RUNX2: variants seen among roughly 807,000 people sequenced by gnomAD.
The protein encoded by RUNX2 is RUNX family transcription factor 2.
A neutral mutation model predicts 51.7 loss-of-function variants in RUNX2; 10 were observed. That is an observed-to-expected ratio of 0.19 (90% CI 0.12 to 0.33). RUNX2 has a LOEUF of 0.33. Ranked by LOEUF, RUNX2 falls within the 10% of genes least tolerant of loss-of-function variation. The pLI is 1.00. For synonymous variants in RUNX2, 276 were observed against 273.6 expected (o/e 1.01, Z -0.09); for missense variants, 562 against 691.3 (o/e 0.81, Z 2.10).
At chr6:45,416,282 A>G (rs1000173332) in intron 2 of RUNX2, among the ~76,000 whole-genome samples, 8 of 152,080 alleles carry the variant, frequency 5.3e-5, no homozygotes, top group African/African-American at 1.7e-4. Flanking sequence ...AAATGTTGAT[A>G]TTTTTAGTAC....
At chr6:45,420,828 G>T (rs1798166148) in intron 2 of RUNX2, among the ~76,000 whole-genome samples, 1 of 152,140 alleles carries the variant, frequency 6.6e-6, no homozygotes, top group Admixed American at 6.5e-5. Flanking sequence ...AGAGTTTGAG[G>T]CTGGTCGTAG....
chr6:45,435,654 A>G (rs957682533), intron 4 of RUNX2, among the ~76,000 whole-genome samples: 1 of 152,184 alleles, frequency 6.6e-6, no homozygotes, highest in Non-Finnish European at 1.5e-5. Context: ...CACCGCGCCC[A>G]GCCGACAATC....
chr6:45,495,736 C>CCAGAAGAGTGAAG, intron 6 of RUNX2, among the ~76,000 whole-genome samples: 1 of 152,266 alleles, frequency 6.6e-6, no homozygotes, highest in African/African-American at 2.4e-5. Context: ...CTTTAAACTC[C>CCAGAAGAGTGAAG]CAGAAGAGTG....
chr6:45,535,440 T>C (rs367852276), intron 7 of RUNX2, among the ~76,000 whole-genome samples: 26 of 151,900 alleles, frequency 1.7e-4, no homozygotes, highest in African/African-American at 5.6e-4. Flanking sequence ...CCATCTCTAC[T>C]AAAAATACAA....
chr6:45,467,871 C>A (rs901404946), intron 5 of RUNX2, among the ~76,000 whole-genome samples: 2 of 152,182 alleles, frequency 1.3e-5, no homozygotes, highest in African/African-American at 2.4e-5. Context: ...TAAAAACTAA[C>A]CTTTCCTTAC....
Position 45,435,443 on chromosome 6 carries a change from C to T in RUNX2, c.581-2504C>T, listed in dbSNP as rs757211063. Among the ~76,000 whole-genome samples, 11 of 152,146 alleles carry T rather than the reference C, an allele frequency of 7.2e-5. 1 individual carries two copies. Among genetic ancestry groups the T allele is most frequent in the Non-Finnish European group, 1.6e-4 (11 of 68,024 alleles). ...CACCATCTCGGCTCACTATAACCTC[C>T]GCCTCCTGAGTTCAAGTGATTCTTG... On this transcript the variant is annotated intron_variant, in intron 4 of 8. Coordinates refer to ENST00000647337, the MANE Select transcript of RUNX2 (RefSeq NM_001024630.4).
rs1419919658 is a variant in RUNX2 at position 45,380,676 on chromosome 6, A to G, written c.59-41917A>G. ...ACTGCAACTTCCTCTTCCCCAATTC[A>G]AGCGATTCTTCTGCCTCAGCCTCCT... On this transcript the variant is annotated intron_variant, in intron 2 of 8. Coordinates refer to ENST00000647337, the MANE Select transcript of RUNX2 (RefSeq NM_001024630.4). 6.6e-5 allele frequency among the ~76,000 whole-genome samples: 10 copies of G among 152,242 alleles called. No individual in the cohort carries two copies. The South Asian group carries it at 1.2e-3, about 19-fold the overall frequency.
intron 3 of RUNX2, among the ~76,000 whole-genome samples, 158 bp downstream of exon 3, chr6:45,423,115 C>T (rs1798271546): frequency 6.6e-6 from 1 of 151,422 alleles, no homozygotes; most frequent in African/African-American, 2.4e-5. Flanking sequence ...CCTCCGGATG[C>T]CCTGGCGGGC....
intron 5 of RUNX2, among the ~76,000 whole-genome samples, chr6:45,442,548 A>G (rs1345323295): frequency 6.6e-6 from 1 of 152,238 alleles, no homozygotes; most frequent in Non-Finnish European, 1.5e-5. Flanking sequence ...GAGTTAGGGA[A>G]GAGGACTGAT....
chr6:45,409,123 A>C (rs1488436369), intron 2 of RUNX2, among the ~76,000 whole-genome samples: 1 of 152,178 alleles, frequency 6.6e-6, no homozygotes, highest in Non-Finnish European at 1.5e-5. Context: ...TTCATAGCAT[A>C]CTGAATATTC....
intron 3 of RUNX2, among the ~76,000 whole-genome samples, chr6:45,428,753 TA>T (rs916079986): frequency 2.0e-5 from 3 of 148,646 alleles, no homozygotes; most frequent in African/African-American, 2.5e-5. Context: ...TTCTTCTAAC[TA>T]AAAAAAAATT....
At chr6:45,533,075 G>T (rs1180850828) in intron 7 of RUNX2, among the ~76,000 whole-genome samples, 1 of 152,016 alleles carries the variant, frequency 6.6e-6, no homozygotes, top group Non-Finnish European at 1.5e-5. Flanking sequence ...ATGTCCATTT[G>T]TGGCGAGTTT....
At chr6:45,543,158 A>G (rs1157118220) in intron 7 of RUNX2, among the ~76,000 whole-genome samples, 1 of 152,180 alleles carries the variant, frequency 6.6e-6, no homozygotes, top group Non-Finnish European at 1.5e-5. Flanking sequence ...ATTTTCCCCA[A>G]GTTGAGTAAA....
At chr6:45,410,501 T>C (rs1417732100) in intron 2 of RUNX2, among the ~76,000 whole-genome samples, 1 of 152,192 alleles carries the variant, frequency 6.6e-6, no homozygotes, top group African/African-American at 2.4e-5. Context: ...AACTAATATA[T>C]ATTGATCACA....
chr6:45,535,603 CA>C (rs36036147), intron 7 of RUNX2, among the ~76,000 whole-genome samples: 63,981 of 134,990 alleles, frequency 0.47, 14,552 homozygotes, highest in African/African-American at 0.6. Context: ...GACTCTGTCT[CA>C]AAAAAAAAAA....
chr6:45,380,045 G>A (rs62400335), intron 2 of RUNX2, among the ~76,000 whole-genome samples: 33,199 of 152,070 alleles, frequency 0.22, 4,413 homozygotes, highest in Non-Finnish European at 0.31. Flanking sequence ...CTACCTCCTG[G>A]AATTTCTTAA....
chr6:45,376,950 T>C (rs1022484650), intron 2 of RUNX2, among the ~76,000 whole-genome samples: 16 of 152,228 alleles, frequency 1.1e-4, no homozygotes, highest in African/African-American at 3.6e-4. Flanking sequence ...TTAACATTTC[T>C]ATTAGCCTCT....
intron 4 of RUNX2, among the ~76,000 whole-genome samples, chr6:45,435,352 C>T (rs1395495961): frequency 6.6e-6 from 1 of 152,030 alleles, no homozygotes; most frequent in Non-Finnish European, 1.5e-5. Context: ...TATGGACAAT[C>T]TATTTTATCT....
chr6:45,416,685 GCT>G (rs1471552527), intron 2 of RUNX2, among the ~76,000 whole-genome samples: 4 of 152,240 alleles, frequency 2.6e-5, no homozygotes, highest in Admixed American at 2.6e-4. Flanking sequence ...AATGAATTAG[GCT>G]CTTTTTAGAA....
Sources: allele counts gnomAD v4.1 joint callset (sites outside exome capture counted in the v4.1 genomes callset), GRCh38; gene constraint gnomAD v4.1.1; transcripts MANE v1.5; gene names NCBI Gene and HGNC (gene_info 2026-07-23, HGNC 2026-07-21).